Variants in B3GNT3 observed in about 807,000 individuals in gnomAD.
B3GNT3 encodes UDP-GlcNAc:betaGal beta-1,3-N-acetylglucosaminyltransferase 3, also known as N-acetyllactosaminide beta-1,3-N-acetylglucosaminyltransferase 3.
In B3GNT3, 7 loss-of-function variants were observed where a neutral mutation model predicts 11.6. The ratio of observed to expected loss-of-function variants is 0.60; its 90% CI spans 0.34 to 1.13. B3GNT3 has a LOEUF of 1.13. Among genes scored for constraint, B3GNT3 ranks in the 50% most tolerant of loss-of-function variants. The probability of loss-of-function intolerance (pLI) is 0.03; values close to 1 mark genes in which losing one functional copy is unlikely to be tolerated. For missense variants in B3GNT3, 400 were observed against 507.4 expected, an observed-to-expected ratio of 0.79 and a Z score of 2.03; for synonymous variants, 201 against 222.1, an observed-to-expected ratio of 0.90 and a Z score of 0.85.
intron 2 of B3GNT3, among the ~76,000 whole-genome samples, chr19:17,808,697 A>G (rs1340389414): frequency 6.6e-6 from 1 of 152,144 alleles, no homozygotes; most frequent in African/African-American, 2.4e-5. Context: ...CTCACCTGGA[A>G]AATGGGATGT....
At position 17,812,354 on chromosome 19, in the gene B3GNT3, T is replaced by A; in HGVS notation, c.*232T>A. 1.9e-6 allele frequency: 1 copy of A among 520,356 alleles called. No homozygotes were observed. Among genetic ancestry groups the A allele is most frequent in the South Asian group, 2.8e-5 (1 of 36,074 alleles). 32.2% of individuals were successfully genotyped at this position (520,356 alleles called of 1,614,324 possible). A position where few individuals can be genotyped will look rare whatever the true frequency, so the allele number is the denominator to read the frequency against. On this transcript the variant is annotated 3_prime_UTR_variant, in exon 3 of 3. Coordinates refer to ENST00000318683, the MANE Select transcript of B3GNT3 (RefSeq NM_014256.4). ...CTGGAGGAACTCCAGAAAATATCCA[T>A]CTTCTTTTTGTGGCTGCTAATGGCA... is the stretch of plus-strand genomic sequence containing the variant.
At chr19:17,809,601 T>C (rs1419680134) in intron 2 of B3GNT3, among the ~76,000 whole-genome samples, 1 of 151,774 alleles carries the variant, frequency 6.6e-6, no homozygotes. Context: ...TGCATGCCAC[T>C]ATGCCCAGCT....
chr19:17,804,032 C>T (rs2094169568), intron 1 of B3GNT3, among the ~76,000 whole-genome samples: 1 of 151,968 alleles, frequency 6.6e-6, no homozygotes. Context: ...CCTGTTGGGC[C>T]TTCCTGGCTT....
intron 1 of B3GNT3, among the ~76,000 whole-genome samples, chr19:17,800,921 G>A (rs886715929): frequency 2.6e-5 from 4 of 151,914 alleles, no homozygotes; most frequent in Admixed American, 2.0e-4. Context: ...GTTGCAGTGA[G>A]CTGAGATCGT....
rs886397581 is a variant in B3GNT3 at position 17,812,494 on chromosome 19, G to C, written c.*372G>C. The C allele has an allele frequency of 2.9e-5, 6 of 207,232 alleles. No homozygotes were observed. Among genetic ancestry groups the C allele is most frequent in the African/African-American group, 9.3e-5 (4 of 42,932 alleles). The allele number at this position is 207,232 out of a possible 1,614,324, so 12.8% of individuals were successfully genotyped here. On this transcript the variant is annotated 3_prime_UTR_variant, in exon 3 of 3. Transcript: ENST00000318683. The stretch of plus-strand genomic sequence containing the variant: ...GGATGCTAAGCAGTGCACCTGCAGT[G>C]GTTTAATGGCAGATAAGCTCCGTCT...
rs539639302 is a variant in B3GNT3, at chr19:17,797,790, G to A, written c.-51+2584G>A. On this transcript the variant is annotated intron_variant, in intron 1 of 2. Transcript: ENST00000318683. ...ACATGGTTTCACTAAAGCAGGGTCCGGCCATTGTGAACTTAAAGGATTTAC... is the reference window on the plus strand; with the variant it reads ...ACATGGTTTCACTAAAGCAGGGTCCAGCCATTGTGAACTTAAAGGATTTAC... Among the ~76,000 whole-genome samples the A allele has an allele frequency of 1.6e-4, 25 of 152,096 alleles. No homozygotes were observed. In the East Asian group the frequency reaches 3.5e-3, roughly 21 times the overall value.
At chr19:17,800,185 G>A (rs1034760602) in intron 1 of B3GNT3, among the ~76,000 whole-genome samples, 9 of 152,206 alleles carry the variant, frequency 5.9e-5, no homozygotes, top group Non-Finnish European at 1.0e-4. Flanking sequence ...GACCAGCCTG[G>A]CCAACGCGCT....
chr19:17,796,318 C>T (rs1287204768), intron 1 of B3GNT3, among the ~76,000 whole-genome samples: 2 of 152,166 alleles, frequency 1.3e-5, no homozygotes, highest in Non-Finnish European at 2.9e-5. Flanking sequence ...GTCTCAAACT[C>T]CTGGGCCCAA....
At chr19:17,809,846 G>A (rs528723490) in intron 2 of B3GNT3, among the ~76,000 whole-genome samples, 61 of 152,154 alleles carry the variant, frequency 4.0e-4, no homozygotes, top group African/African-American at 1.5e-3. Context: ...CCCCTCCTAG[G>A]TCCTCGAGTA....
intron 1 of B3GNT3, among the ~76,000 whole-genome samples, chr19:17,800,149 C>A (rs1357527367): frequency 6.6e-6 from 1 of 151,854 alleles, no homozygotes; most frequent in East Asian, 1.9e-4. Context: ...CCGAGGCGGG[C>A]AGATCACTTG....
At chr19:17,800,792 C>CT (rs1491185574) in intron 1 of B3GNT3, among the ~76,000 whole-genome samples, 6 of 151,904 alleles carry the variant, frequency 3.9e-5, no homozygotes, top group African/African-American at 1.5e-4. Context: ...CATGGTGAAA[C>CT]TCTGTCTCTA....
rs1599848782 is a variant in B3GNT3 at position 17,808,142 on chromosome 19, T to G, written c.335T>G (p.Val112Gly). The G allele has an allele frequency of 6.2e-7, 1 of 1,613,554 alleles. No homozygotes were observed. Among genetic ancestry groups the G allele is most frequent in the Non-Finnish European group, 8.5e-7 (1 of 1,179,812 alleles). ...GCGCAGCCGGTCTTCCTGCTGCTGGTGATCAAGTCCTCCCCTAGCAACTAT... is the reference window on the plus strand; with the variant it reads ...GCGCAGCCGGTCTTCCTGCTGCTGGGGATCAAGTCCTCCCCTAGCAACTAT... ...KCAQPVFLLL[V>G]IKSSPSNYVR... Residue 112 changes from valine (V) to glycine (G), a missense_variant, in exon 2 of 3, where the codon GTG becomes GGG. Val to Gly is a moderately radical substitution (Grantham distance 109, BLOSUM62 -3). Transcript: ENST00000318683.
chr19:17,807,963 A>AACCC lies in B3GNT3; in HGVS notation c.156_157insACCC (p.Pro53ThrfsTer51), dbSNP rs1599848453. ...CCGAGGCCCTGGCCTGGCCCACTCC[A>AACCC]CCCACCCGCCCAGCCCCGGCCCCGT... On this transcript the variant is annotated frameshift_variant, in exon 2 of 3. Coordinates refer to ENST00000318683, the MANE Select transcript of B3GNT3 (RefSeq NM_014256.4). LOFTEE classifies it high-confidence loss of function. 1.9e-4 allele frequency: 229 copies of AACCC among 1,223,012 alleles called. No individual in the cohort carries two copies. Among genetic ancestry groups the AACCC allele is most frequent in the Middle Eastern group, 4.1e-4 (2 of 4,918 alleles). 75.8% of individuals were successfully genotyped at this position (1,223,012 alleles called of 1,614,324 possible). A position where few individuals can be genotyped will look rare whatever the true frequency, so the allele number is the denominator to read the frequency against.
In B3GNT3 at chr19:17,812,258, A is replaced by G; in HGVS notation, c.*136A>G. 1 of 1,001,102 alleles carries G rather than the reference A, an allele frequency of 1.0e-6. No homozygotes were observed. Among genetic ancestry groups the G allele is most frequent in the Non-Finnish European group, 1.4e-6 (1 of 704,222 alleles). The allele number at this position is 1,001,102 out of a possible 1,614,324, so 62.0% of individuals were successfully genotyped here. A position where few individuals can be genotyped will look rare whatever the true frequency, so the allele number is the denominator to read the frequency against. On this transcript the variant is annotated 3_prime_UTR_variant, in exon 3 of 3. Transcript: ENST00000318683. Reference sequence around the variant, plus strand: ...AAGGTTTGAGGTTTGATGAGTGAATATTCTGGCTGGCGAACTCCTACACAT... The same window carrying G: ...AAGGTTTGAGGTTTGATGAGTGAATGTTCTGGCTGGCGAACTCCTACACAT...
At chr19:17,798,130 G>C (rs189203960) in intron 1 of B3GNT3, among the ~76,000 whole-genome samples, 9 of 152,162 alleles carry the variant, frequency 5.9e-5, no homozygotes, top group Non-Finnish European at 1.3e-4. Flanking sequence ...TCCTGCAAGC[G>C]TCCCCAACTT....
intron 1 of B3GNT3, among the ~76,000 whole-genome samples, chr19:17,803,665 G>A (rs538186481): frequency 5.1e-4 from 78 of 152,022 alleles, no homozygotes; most frequent in East Asian, 9.7e-4. Flanking sequence ...CAGGGTAGGC[G>A]CTGTAACATG....
chr19:17,798,125 C>A (rs967410633), intron 1 of B3GNT3, among the ~76,000 whole-genome samples: 2 of 152,222 alleles, frequency 1.3e-5, no homozygotes, highest in Non-Finnish European at 2.9e-5. Flanking sequence ...CCCTCTCCTG[C>A]AAGCGTCCCC....
rs752196790 is a variant in B3GNT3 at position 17,811,826 on chromosome 19, C to T, written c.823C>T (p.Leu275=). The part of the protein sequence containing the change: ...PPYCGGGGFL[L]SRFTAAALRR... ...CTATTGTGGGGGTGGTGGCTTCTTG[C>T]TGTCCCGCTTCACGGCCGCTGCCCT... Residue 275 remains leucine, a synonymous_variant, in exon 3 of 3, where the codon CTG becomes TTG. Coordinates refer to ENST00000318683, the MANE Select transcript of B3GNT3 (RefSeq NM_014256.4). The surrounding 1 kb of genome is among the most constrained non-coding windows in gnomAD (Gnocchi z 4.1). 3 of 1,614,232 alleles carry T rather than the reference C, an allele frequency of 1.9e-6. No individual in the cohort carries two copies. The highest frequency in any genetic ancestry group is 2.5e-6 in the Non-Finnish European group (3 of 1,180,048).
intron 1 of B3GNT3, among the ~76,000 whole-genome samples, chr19:17,800,614 A>G (rs1372154303): frequency 6.6e-6 from 1 of 152,192 alleles, no homozygotes; most frequent in East Asian, 1.9e-4. Flanking sequence ...AAGCATGAAT[A>G]TTCAGTGACC....
Sources: allele counts gnomAD v4.1 joint callset (sites outside exome capture counted in the v4.1 genomes callset), GRCh38; gene constraint gnomAD v4.1.1; non-coding constraint Gnocchi (gnomAD v3.1); transcripts MANE v1.5; gene names NCBI Gene and HGNC (gene_info 2026-07-23, HGNC 2026-07-21).